Variants in NEXN observed in about 807,000 individuals in gnomAD.
NEXN encodes the protein nexilin.
NEXN carries 65 observed loss-of-function variants against 92.6 expected under a neutral mutation model. The ratio of observed to expected loss-of-function variants is 0.70; its 90% CI spans 0.57 to 0.86. The LOEUF is 0.86. Ranked by LOEUF, NEXN falls within the 40% of genes least tolerant of loss-of-function variation. The pLI is 0.00. For missense variants in NEXN, 778 were observed against 771.1 expected (o/e 1.01, Z -0.11); for synonymous variants, 254 against 242.5 (o/e 1.05, Z -0.44).
At chr1:77,937,731 CT>C (rs1650894618) in intron 11 of NEXN, among the ~76,000 whole-genome samples, 1 of 152,122 alleles carries the variant, frequency 6.6e-6, no homozygotes, top group African/African-American at 2.4e-5. Flanking sequence ...ATTTGAATGA[CT>C]ACTATGTTCC....
chr1:77,929,194 A>C, intron 8 of NEXN, 122 bp from the exon 9 acceptor site: 1 of 669,292 alleles, frequency 1.5e-6, no homozygotes, highest in Non-Finnish European at 2.7e-6. Context: ...GATTTAGGTC[A>C]AGTATATTAA....
At chr1:77,923,543 T>C (rs892870216) in intron 5 of NEXN, among the ~76,000 whole-genome samples, 4 of 152,116 alleles carry the variant, frequency 2.6e-5, no homozygotes, top group African/African-American at 9.7e-5. Context: ...TTTGTTTTCT[T>C]TTCCTGAGAT....
chr1:77,933,636 G>A (rs549554710), intron 10 of NEXN, among the ~76,000 whole-genome samples, 157 bp downstream of exon 10: 3 of 152,220 alleles, frequency 2.0e-5, no homozygotes, highest in South Asian at 2.1e-4. Context: ...ACAATTATGT[G>A]TACTTTCTAG....
intron 5 of NEXN, among the ~76,000 whole-genome samples, chr1:77,922,019 C>T (rs1448348596): frequency 1.3e-5 from 2 of 152,204 alleles, no homozygotes; most frequent in Non-Finnish European, 2.9e-5. Flanking sequence ...CCTCCCACCT[C>T]GGCCTCCCAA....
intron 10 of NEXN, 124 bp from the exon 11 acceptor site, chr1:77,935,699 T>C: frequency 1.3e-6 from 1 of 769,398 alleles, no homozygotes; most frequent in Non-Finnish European, 2.2e-6. Flanking sequence ...GTGCCTGTAG[T>C]CCCAGCTCCT....
rs930103276 is a variant in NEXN, at chr1:77,929,463, G to C, written c.1012G>C (p.Glu338Gln). ...AGAAGAAGAAGCCAGAAGGAGAATA[G>C]AGGAAGAAAAGAAGGCGTTTGCTGA... ...KAEEEARRRIEEEKKAFAEAR... is the reference protein window; with the variant it reads ...KAEEEARRRIQEEKKAFAEAR... Residue 338 changes from glutamate (E) to glutamine (Q), a missense_variant, in exon 9 of 13, where the codon GAG becomes CAG. This residue lies in a region of NEXN where 532 missense variants were observed against 476.7 expected (regional missense o/e 1.12). Coordinates refer to ENST00000334785, the MANE Select transcript of NEXN (RefSeq NM_144573.4). The C allele has an allele frequency of 1.2e-6, 2 of 1,613,262 alleles. No individual in the cohort carries two copies. The highest frequency in any genetic ancestry group is 2.2e-5 in the East Asian group (1 of 44,826).
chr1:77,941,616 A>C (rs1651316800), intron 11 of NEXN: 1 of 200,926 alleles, frequency 5.0e-6, no homozygotes, highest in Admixed American at 5.3e-5. Flanking sequence ...AAAGAAGGAA[A>C]ATCATTAAGT....
At chr1:77,908,133 AG>A in intron 1 of NEXN, among the ~76,000 whole-genome samples, 1 of 152,104 alleles carries the variant, frequency 6.6e-6, no homozygotes, top group African/African-American at 2.4e-5. Context: ...CCTGAAGTGC[AG>A]TAGCATGATC....
rs202145587 is a variant in NEXN, at chr1:77,941,981, T to C, written c.1474-42T>C. 2,876 of 1,589,564 alleles carry C rather than the reference T, an allele frequency of 1.8e-3. 5 individuals are homozygous for C. The highest frequency in any genetic ancestry group is 2.1e-3 in the Non-Finnish European group (2,482 of 1,162,792). On this transcript the variant is annotated intron_variant, in intron 11 of 12. Transcript: ENST00000334785. Reference sequence around the variant, plus strand: ...AGAACTAGTAACGCTTCTTTGTTTTTAGAAGGCAAGCAATTGTTAATCTTG... The same window carrying C: ...AGAACTAGTAACGCTTCTTTGTTTTCAGAAGGCAAGCAATTGTTAATCTTG...
intron 1 of NEXN, among the ~76,000 whole-genome samples, chr1:77,890,330 CTCATCATAG>C (rs1053389278): frequency 1.3e-5 from 2 of 152,094 alleles, no homozygotes; most frequent in African/African-American, 4.8e-5. Context: ...TCCAGTTTTC[CTCATCATAG>C]TTACAATGTA....
chr1:77,941,828 G>C, intron 11 of NEXN, 195 bp from the exon 12 acceptor site: 1 of 582,230 alleles, frequency 1.7e-6, no homozygotes, highest in Non-Finnish European at 3.0e-6. Flanking sequence ...CTATAACTAA[G>C]AGAATGCTTC....
chr1:77,929,594 ATT>A, intron 9 of NEXN, 90 bp downstream of exon 9: 1 of 1,541,206 alleles, frequency 6.5e-7, no homozygotes, highest in South Asian at 1.1e-5. Context: ...ATACCCTATT[ATT>A]TCTGGAAACT....
At chr1:77,933,051 C>G (rs1430574468) in intron 9 of NEXN, 1 of 361,954 alleles carries the variant, frequency 2.8e-6, no homozygotes, top group Non-Finnish European at 5.1e-6. Flanking sequence ...ATCCCAGCTA[C>G]TTGGGAGGCT....
At chr1:77,925,047 T>G (rs942627288) in intron 5 of NEXN, 141 bp from the exon 6 acceptor site, 8 of 617,158 alleles carry the variant, frequency 1.3e-5, no homozygotes, top group African/African-American at 5.6e-5. Flanking sequence ...TTGGCTAATT[T>G]GGAACAACAT....
intron 1 of NEXN, among the ~76,000 whole-genome samples, chr1:77,906,591 G>A (rs1320233903): frequency 6.6e-6 from 1 of 152,044 alleles, no homozygotes; most frequent in Non-Finnish European, 1.5e-5. Flanking sequence ...TTATGAGGGG[G>A]TTTATGAAAA....
At chr1:77,904,316 C>A (rs1261225502) in intron 1 of NEXN, among the ~76,000 whole-genome samples, 1 of 152,042 alleles carries the variant, frequency 6.6e-6, no homozygotes, top group Admixed American at 6.6e-5. Flanking sequence ...TTTAAAAAAC[C>A]ACCTTATTAA....
At chr1:77,927,428 A>G (rs990215800) in intron 8 of NEXN, among the ~76,000 whole-genome samples, 1 of 152,220 alleles carries the variant, frequency 6.6e-6, no homozygotes, top group Non-Finnish European at 1.5e-5. Flanking sequence ...TTCAATCTGC[A>G]AAGTACTTAA....
chr1:77,894,732 T>A (rs1571063018), intron 1 of NEXN, among the ~76,000 whole-genome samples: 3 of 152,104 alleles, frequency 2.0e-5, no homozygotes, highest in African/African-American at 7.2e-5. Context: ...TCCTTTTTTT[T>A]AGAGATGGAG....
At chr1:77,925,103 CAACTA>C in intron 5 of NEXN, 80 bp from the exon 6 acceptor site, 2 of 864,462 alleles carry the variant, frequency 2.3e-6, no homozygotes, top group Admixed American at 4.2e-5. Context: ...CTATAAGTCA[CAACTA>C]AATTACTTTC....
Sources: gnomAD v4.1 joint callset for allele counts (sites outside exome capture counted in the v4.1 genomes callset) on GRCh38, gnomAD v4.1.1 for gene constraint, gnomAD v4.1.1 regional missense constraint, MANE v1.5 for transcripts, NCBI Gene and HGNC (gene_info 2026-07-23, HGNC 2026-07-21) for gene names.